LTV1: variants seen among roughly 807,000 people sequenced by gnomAD.
LTV1 encodes the protein protein LTV1 homolog.
In LTV1, 39 loss-of-function variants were observed where a neutral mutation model predicts 59.9. The ratio of observed to expected loss-of-function variants is 0.65; its 90% CI spans 0.50 to 0.85. LTV1 has a LOEUF of 0.85. LTV1 is among the 40% of genes least tolerant of loss of function. The pLI is 0.00. For missense variants in LTV1, 493 were observed against 549.1 expected (o/e 0.90, Z 1.02); for synonymous variants, 171 against 189.5 (o/e 0.90, Z 0.80).
chr6:143,850,029 A>G (rs1776955941), intron 3 of LTV1, 102 bp from the exon 4 acceptor site: 3 of 825,642 alleles, frequency 3.6e-6, no homozygotes, highest in Non-Finnish European at 6.1e-6. Flanking sequence ...TGGTCAGTCT[A>G]AGGTTCTGGA....
intron 4 of LTV1, among the ~76,000 whole-genome samples, chr6:143,853,044 A>C (rs904296690): frequency 6.6e-6 from 1 of 151,648 alleles, no homozygotes; most frequent in Non-Finnish European, 1.5e-5. Context: ...ATTATCTTGT[A>C]AATTACTTTG....
In LTV1 at chr6:143,846,222, C is replaced by G. The variant is rs1157528279; in HGVS notation, c.307C>G (p.Pro103Ala). Residue 103 changes from proline (P) to alanine (A), a missense_variant and splice_region_variant, in exon 3 of 11, where the codon CCA becomes GCA. By Grantham distance (27) the Pro-to-Ala change is conservative. Transcript: ENST00000367576. Reference sequence around the variant, plus strand: ...GGAGAAAGAAGAAACGCTAGTAATTCCAGTAAGGCTTTTCAGCAATTTAAT... The same window carrying G: ...GGAGAAAGAAGAAACGCTAGTAATTGCAGTAAGGCTTTTCAGCAATTTAAT... ...REEKEETLVI[P>A]STGIKLPSSV... 1.2e-6 allele frequency: 2 copies of G among 1,606,270 alleles called. No individual in the cohort carries two copies. The highest frequency in any genetic ancestry group is 4.5e-5 in the East Asian group (2 of 44,822).
At chr6:143,860,330 G>T (rs969375519) in intron 6 of LTV1, 96 bp from the exon 7 acceptor site, 1 of 971,886 alleles carries the variant, frequency 1.0e-6, no homozygotes, top group East Asian at 2.5e-5. Context: ...AATAACTATT[G>T]TGTAAGAATA....
intron 4 of LTV1, among the ~76,000 whole-genome samples, chr6:143,851,501 A>G (rs953990995): frequency 6.6e-6 from 1 of 152,248 alleles, no homozygotes; most frequent in Non-Finnish European, 1.5e-5. Flanking sequence ...AGACAAAGTT[A>G]AACATTATAG....
At chr6:143,843,996 C>T (rs1776846727) in intron 1 of LTV1, among the ~76,000 whole-genome samples, 1 of 152,214 alleles carries the variant, frequency 6.6e-6, no homozygotes, top group Admixed American at 6.5e-5. Context: ...GGTGATGGAT[C>T]TTATTAAACT....
In LTV1 at chr6:143,863,186, A is replaced by G. The variant is rs1237528122; in HGVS notation, c.1217A>G (p.Asn406Ser). Residue 406 changes from asparagine to serine, a missense_variant, in exon 10 of 11, where the codon AAT becomes AGT. Transcript: ENST00000367576. The surrounding 1 kb of genome is among the most constrained non-coding windows in gnomAD (Gnocchi z 4.5). ...CAAACTGAAAGAATACAGATGATTA[A>G]TGGCAGTGATCTTCCTAAAGTATCA... ...AKQTERIQMI[N>S]GSDLPKVSTQ... The G allele has an allele frequency of 1.9e-6, 3 of 1,613,960 alleles. No individual in the cohort carries two copies. Among genetic ancestry groups the G allele is most frequent in the Non-Finnish European group, 8.5e-7 (1 of 1,179,876 alleles).
chr6:143,861,402 C>T (rs1456112897), intron 7 of LTV1, among the ~76,000 whole-genome samples: 2 of 150,970 alleles, frequency 1.3e-5, no homozygotes, highest in Non-Finnish European at 3.0e-5. Context: ...ACCACTGCTT[C>T]CAGCCTGGGT....
In LTV1 at chr6:143,862,976, A is replaced by G; in HGVS notation, c.1116+80A>G. The G allele has an allele frequency of 6.9e-7, 1 of 1,455,030 alleles. No homozygotes were observed. Among genetic ancestry groups the G allele is most frequent in the Non-Finnish European group, 9.6e-7 (1 of 1,036,876 alleles). The allele number at this position is 1,455,030 out of a possible 1,614,324, so 90.1% of individuals were successfully genotyped here. ...GCACATTTTCGCACAATAACTTTTT[A>G]TCTTTATGGCTAGAGTGATATTAGA... On this transcript the variant is annotated intron_variant, in intron 9 of 10. Coordinates refer to ENST00000367576, the MANE Select transcript of LTV1 (RefSeq NM_032860.5). This position sits in a 1 kb window ranked among gnomAD's most constrained non-coding sequence, Gnocchi z 4.2.
chr6:143,857,324 C>A lies in LTV1; in HGVS notation c.419C>A (p.Pro140His). The change falls in exon 5 of 11, where the codon CCT (proline) becomes CAT (histidine). Residue 140 changes from proline to histidine, a missense_variant. Physicochemically the swap from Pro to His is moderately conservative, Grantham distance 77. Coordinates refer to ENST00000367576, the MANE Select transcript of LTV1 (RefSeq NM_032860.5). The surrounding 1 kb of genome is among the most constrained non-coding windows in gnomAD (Gnocchi z 5.2). ...CTAGGACCTCGACTGGATTTTGATC[C>A]TGACATTGTTGCAGCTCTTGATGAT... ...PVSGPRLDFD[P>H]DIVAALDDDF... 3.1e-6 allele frequency: 5 copies of A among 1,613,658 alleles called. No homozygotes were observed. Among genetic ancestry groups the A allele is most frequent in the Non-Finnish European group, 4.2e-6 (5 of 1,179,636 alleles).
At position 143,857,090 on chromosome 6, in the gene LTV1, G is replaced by A. The variant is rs544417109; in HGVS notation, c.398-213G>A. On this transcript the variant is annotated intron_variant, in intron 4 of 10. Transcript: ENST00000367576. This position sits in a 1 kb window ranked among gnomAD's most constrained non-coding sequence, Gnocchi z 5.2. ...GGAAGATGGGAGTTTTATTTATAAGGTCCTGACTGGGGCTGAGGCAGCATT... is the reference window on the plus strand; with the variant it reads ...GGAAGATGGGAGTTTTATTTATAAGATCCTGACTGGGGCTGAGGCAGCATT... Among the ~76,000 whole-genome samples the A allele has an allele frequency of 1.3e-5, 2 of 152,192 alleles. No individual in the cohort carries two copies. Among genetic ancestry groups the A allele is most frequent in the African/African-American group, 4.8e-5 (2 of 41,452 alleles).
chr6:143,843,497 T>G lies in LTV1; in HGVS notation c.3+17T>G, dbSNP rs745790296. On this transcript the variant is annotated intron_variant, in intron 1 of 10. Coordinates refer to ENST00000367576, the MANE Select transcript of LTV1 (RefSeq NM_032860.5). ...TGCAGCATGGTGAGCAAGCCTTGCT[T>G]GTTTCGGCGGCCGAGCGCTGTGGTT... 8 of 1,613,284 alleles carry G rather than the reference T, an allele frequency of 5.0e-6. No homozygotes were observed. Among genetic ancestry groups the G allele is most frequent in the Non-Finnish European group, 6.8e-6 (8 of 1,179,852 alleles).
In LTV1 at chr6:143,844,966, C is replaced by T. The variant is rs115515781; in HGVS notation, c.135+349C>T. Among the ~76,000 whole-genome samples, 1,343 of 152,220 alleles carry T rather than the reference C, an allele frequency of 8.8e-3. 19 individuals are homozygous for T. Among genetic ancestry groups the T allele is most frequent in the African/African-American group, 0.031 (1,293 of 41,510 alleles). ...AAGATCTTTATTTGAGATGTTTAAA[C>T]GAGCAAATCTTGTAGAATAATGGTA... On this transcript the variant is annotated intron_variant, in intron 2 of 10. Transcript: ENST00000367576.
rs145954398 is a variant in LTV1, at chr6:143,863,420, C to T, written c.1321C>T (p.Arg441Ter). Residue 441 changes from arginine (R) to a stop codon, truncating the protein, a stop_gained, in exon 11 of 11, where the codon CGA becomes TGA. Transcript: ENST00000367576. LOFTEE classifies it high-confidence loss of function. The surrounding 1 kb of genome is among the most constrained non-coding windows in gnomAD (Gnocchi z 4.5). ...KQAIKEERKE[R>*]RVEKKANKLA... Reference sequence around the variant, plus strand: ...TATATTCTTGTACTTATAACAGGAACGAAGAGTGGAGAAGAAAGCTAACAA... The same window carrying T: ...TATATTCTTGTACTTATAACAGGAATGAAGAGTGGAGAAGAAAGCTAACAA... 446 of 1,611,656 alleles carry T rather than the reference C, an allele frequency of 2.8e-4. No individual in the cohort carries two copies. Among genetic ancestry groups the T allele is most frequent in the Non-Finnish European group, 3.3e-4 (393 of 1,178,146 alleles).
Position 143,863,332 on chromosome 6 carries a change from G to A in LTV1, c.1317+46G>A. ...GTGAGATTTACAAAGAGCTGGTGGA[G>A]GGGAAATTAGGGGAATTTTGTAAAA... On this transcript the variant is annotated intron_variant, in intron 10 of 10. Transcript: ENST00000367576. The surrounding 1 kb of genome is among the most constrained non-coding windows in gnomAD (Gnocchi z 4.5). 1 of 1,595,994 alleles carries A rather than the reference G, an allele frequency of 6.3e-7. No individual in the cohort carries two copies. The highest frequency in any genetic ancestry group is 1.7e-5 in the Admixed American group (1 of 58,964).
intron 4 of LTV1, among the ~76,000 whole-genome samples, chr6:143,854,349 TATTA>T (rs1777039736): frequency 6.6e-6 from 1 of 152,236 alleles, no homozygotes; most frequent in Non-Finnish European, 1.5e-5. Context: ...TTTTCTTCTT[TATTA>T]GTCTGGCTAG....
At chr6:143,851,800 A>G (rs774249299) in intron 4 of LTV1, among the ~76,000 whole-genome samples, 6 of 151,266 alleles carry the variant, frequency 4.0e-5, no homozygotes, top group Non-Finnish European at 7.4e-5. Context: ...TTCAACTCCC[A>G]CTTATGAGTG....
In LTV1 at chr6:143,862,846, A is replaced by G; in HGVS notation, c.1066A>G (p.Thr356Ala). 2 of 1,558,442 alleles carry G rather than the reference A, an allele frequency of 1.3e-6. No individual in the cohort carries two copies. The highest frequency in any genetic ancestry group is 1.8e-6 in the Non-Finnish European group (2 of 1,129,536). ...EKWDCESICSTYSNLYNHPQL... is the reference protein window; with the variant it reads ...EKWDCESICSAYSNLYNHPQL... ...ATGACTTTTATTTGTTTGTTTAGGT[A>G]CATACTCAAATTTATATAACCATCC... The change falls in exon 9 of 11, where the codon ACA (threonine) becomes GCA (alanine). Residue 356 changes from threonine to alanine, a missense_variant and splice_region_variant. By Grantham distance (58) the Thr-to-Ala change is moderately conservative. Coordinates refer to ENST00000367576, the MANE Select transcript of LTV1 (RefSeq NM_032860.5). The surrounding 1 kb of genome is among the most constrained non-coding windows in gnomAD (Gnocchi z 4.2).
intron 3 of LTV1, among the ~76,000 whole-genome samples, chr6:143,847,840 TC>T (rs1166518919): frequency 6.6e-6 from 1 of 152,184 alleles, no homozygotes; most frequent in Non-Finnish European, 1.5e-5. Flanking sequence ...TATGGATTAG[TC>T]CCATATACTT....
chr6:143,847,211 G>C (rs563349050), intron 3 of LTV1, among the ~76,000 whole-genome samples: 18 of 152,312 alleles, frequency 1.2e-4, no homozygotes, highest in African/African-American at 4.3e-4. Flanking sequence ...AGGCTTTATT[G>C]GTAGTAGGGA....
Sources: allele counts gnomAD v4.1 joint callset (sites outside exome capture counted in the v4.1 genomes callset), GRCh38; gene constraint gnomAD v4.1.1; non-coding constraint Gnocchi (gnomAD v3.1); transcripts MANE v1.5; gene names NCBI Gene and HGNC (gene_info 2026-07-23, HGNC 2026-07-21).